Variants in LINGO2 observed in about 807,000 individuals in gnomAD.
The protein encoded by LINGO2 is leucine rich repeat and Ig domain containing 2, also known as leucine-rich repeat and immunoglobulin-like domain-containing nogo receptor-interacting protein 2.
In LINGO2, 14 loss-of-function variants were observed where a neutral mutation model predicts 30.6. That is an observed-to-expected ratio of 0.46 (90% confidence interval 0.30 to 0.72). The LOEUF is 0.72. Ranked by LOEUF, LINGO2 falls within the 30% of genes least tolerant of loss-of-function variation. The probability of loss-of-function intolerance (pLI) is 0.07; values close to 1 mark genes in which losing one functional copy is unlikely to be tolerated. For missense variants in LINGO2, 729 were observed against 751.7 expected, an observed-to-expected ratio of 0.97 and a Z score of 0.35; for synonymous variants, 317 against 288.5, an observed-to-expected ratio of 1.10 and a Z score of -1.00.
chr9:28,431,412 C>A (rs749151308), intron 2 of LINGO2, among the ~76,000 whole-genome samples: 3 of 151,826 alleles, frequency 2.0e-5, no homozygotes, highest in Admixed American at 6.6e-5. Flanking sequence ...AAAGAGAGAG[C>A]GCAATCAAAG....
At chr9:28,733,228 A>G in the LINGO2 span, among the ~76,000 whole-genome samples, 1 of 152,054 alleles carries the variant, frequency 6.6e-6, no homozygotes, top group Non-Finnish European at 1.5e-5. Flanking sequence ...GTAAAAAAAA[A>G]GGTTTAAGAA....
At chr9:28,162,144 A>T (rs749070290) in intron 4 of LINGO2, among the ~76,000 whole-genome samples, 4 of 152,206 alleles carry the variant, frequency 2.6e-5, no homozygotes, top group Non-Finnish European at 5.9e-5. Flanking sequence ...AGAAACCAGT[A>T]CCAAATTAGG....
intron 5 of LINGO2, among the ~76,000 whole-genome samples, chr9:27,978,375 TTA>T (rs1468621678): frequency 6.6e-6 from 1 of 152,050 alleles, no homozygotes; most frequent in Non-Finnish European, 1.5e-5. Flanking sequence ...ACTGCAAAAT[TTA>T]TATGTTAAAT....
At chr9:28,645,192 G>C (rs888936307) in intron 1 of LINGO2, among the ~76,000 whole-genome samples, 16 of 152,024 alleles carry the variant, frequency 1.1e-4, no homozygotes, top group African/African-American at 3.9e-4. Flanking sequence ...GTTATGGTGA[G>C]TTAATTAATT....
intron 4 of LINGO2, among the ~76,000 whole-genome samples, chr9:28,018,530 A>G (rs1822954671): frequency 6.6e-6 from 1 of 152,232 alleles, no homozygotes; most frequent in African/African-American, 2.4e-5. Context: ...AAAAGTAGAC[A>G]AAGGACATGA....
chr9:28,629,640 T>G (rs1450440902), intron 1 of LINGO2, among the ~76,000 whole-genome samples: 2 of 152,084 alleles, frequency 1.3e-5, no homozygotes, highest in African/African-American at 4.8e-5. Flanking sequence ...AAATACAGCT[T>G]GCTGGGTTAG....
chr9:28,298,403 C>T (rs893443795), intron 3 of LINGO2, among the ~76,000 whole-genome samples: 1 of 151,216 alleles, frequency 6.6e-6, no homozygotes, highest in South Asian at 2.1e-4. Context: ...CAGTGGCTCA[C>T]ACCTGTAATC....
At chr9:28,350,719 C>T (rs574783190) in intron 3 of LINGO2, among the ~76,000 whole-genome samples, 1 of 151,654 alleles carries the variant, frequency 6.6e-6, no homozygotes, top group South Asian at 2.1e-4. Context: ...CCACACCACA[C>T]CTATTCCAAA....
chr9:29,180,212 G>A, the LINGO2 span, among the ~76,000 whole-genome samples: 1 of 152,112 alleles, frequency 6.6e-6, no homozygotes, highest in African/African-American at 2.4e-5. Flanking sequence ...AGAATATCTG[G>A]TAGATTTTTC....
the LINGO2 span, among the ~76,000 whole-genome samples, chr9:29,180,476 T>C: frequency 6.6e-6 from 1 of 152,148 alleles, no homozygotes; most frequent in African/African-American, 2.4e-5. Context: ...AACCAATAAT[T>C]CTAAAATCCA....
chr9:28,354,417 C>T (rs1282892432), intron 3 of LINGO2, among the ~76,000 whole-genome samples: 1 of 152,100 alleles, frequency 6.6e-6, no homozygotes, highest in African/African-American at 2.4e-5. Context: ...CAATGGCTCC[C>T]AAATTACATA....
the LINGO2 span, among the ~76,000 whole-genome samples, chr9:28,831,287 C>A: frequency 3.3e-5 from 5 of 152,000 alleles, no homozygotes; most frequent in Non-Finnish European, 7.4e-5. Context: ...ATTAAACGTA[C>A]AAAGACTATT....
At chr9:28,767,723 T>C in the LINGO2 span, among the ~76,000 whole-genome samples, 22 of 149,140 alleles carry the variant, frequency 1.5e-4, no homozygotes, top group African/African-American at 5.5e-4. Flanking sequence ...GAGGCGGAGC[T>C]TGCAGTGAGC....
chr9:28,172,157 C>T (rs1399961543), intron 4 of LINGO2, among the ~76,000 whole-genome samples: 8 of 151,052 alleles, frequency 5.3e-5, no homozygotes, highest in Admixed American at 3.3e-4. Context: ...TTTGGGAGGC[C>T]GAGGCGGGCG....
intron 4 of LINGO2, among the ~76,000 whole-genome samples, chr9:28,242,963 C>T (rs1821854563): frequency 6.6e-6 from 1 of 152,098 alleles, no homozygotes; most frequent in African/African-American, 2.4e-5. Flanking sequence ...TGCAAGAGTT[C>T]CTGAAGAAAG....
intron 4 of LINGO2, among the ~76,000 whole-genome samples, chr9:28,161,832 C>A (rs1423683450): frequency 1.3e-5 from 2 of 151,960 alleles, no homozygotes; most frequent in Non-Finnish European, 2.9e-5. Context: ...TAGACGCTAA[C>A]TCACAACATT....
chr9:28,137,343 T>A (rs1192846126), intron 4 of LINGO2, among the ~76,000 whole-genome samples: 3 of 152,114 alleles, frequency 2.0e-5, no homozygotes, highest in Non-Finnish European at 4.4e-5. Flanking sequence ...TAATTTAACT[T>A]CTTGTTAAGA....
At chr9:28,276,381 A>T (rs1823115645) in intron 4 of LINGO2, among the ~76,000 whole-genome samples, 1 of 152,018 alleles carries the variant, frequency 6.6e-6, no homozygotes, top group Non-Finnish European at 1.5e-5. Flanking sequence ...TATTCTTATT[A>T]ATCTAAATCT....
At chr9:28,845,166 T>C in the LINGO2 span, among the ~76,000 whole-genome samples, 1 of 151,792 alleles carries the variant, frequency 6.6e-6, no homozygotes, top group Admixed American at 6.5e-5. Flanking sequence ...TAGGAAAAAA[T>C]GTAAGCCTCG....
Sources: allele counts gnomAD v4.1 joint callset (sites outside exome capture counted in the v4.1 genomes callset), GRCh38; gene constraint gnomAD v4.1.1; transcripts MANE v1.5; gene names NCBI Gene and HGNC (gene_info 2026-07-23, HGNC 2026-07-21).